The following USP32 variants were observed in gnomAD, a reference collection of about 807,000 sequenced individuals.
USP32 encodes the protein ubiquitin specific peptidase 32, also known as ubiquitin carboxyl-terminal hydrolase 32.
A neutral mutation model predicts 204.8 loss-of-function variants in USP32; 59 were observed. That is an observed-to-expected ratio of 0.29 (90% CI 0.23 to 0.36). The LOEUF (loss-of-function observed/expected upper bound fraction) is 0.36, where lower values mean the gene tolerates loss of function less well. Among genes scored for constraint, USP32 ranks in the 10% least tolerant of loss-of-function variants. USP32 has a pLI of 1.00. For synonymous variants in USP32, 517 were observed against 678.4 expected (o/e 0.76, Z 3.70); for missense variants, 1,160 against 1,946.4 (o/e 0.60, Z 7.60).
At chr17:60,239,280 G>A (rs1015917320) in intron 11 of USP32, among the ~76,000 whole-genome samples, 2 of 152,154 alleles carry the variant, frequency 1.3e-5, no homozygotes, top group South Asian at 2.1e-4. Flanking sequence ...TCTTGGCTTT[G>A]TAAAATACAG....
chr17:60,198,538 T>TC (rs1478854083), intron 26 of USP32, 94 bp from the exon 27 acceptor site: 1 of 1,391,656 alleles, frequency 7.2e-7, no homozygotes, highest in African/African-American at 1.5e-5. Context: ...ACAGGCACTA[T>TC]CACCATTTCA....
rs543670974 is a variant in USP32 at position 60,275,844 on chromosome 17, T to A, written c.572-4363A>T. Reference sequence around the variant, plus strand: ...CTCCTGCCTCAGCCTCCTGAGTAGCTGGGATTACAGGCACCTGCCACCATG... The same window carrying A: ...CTCCTGCCTCAGCCTCCTGAGTAGCAGGGATTACAGGCACCTGCCACCATG... On this transcript the variant is annotated intron_variant, in intron 5 of 33. Transcript: ENST00000300896. Among the ~76,000 whole-genome samples, 6 of 151,746 alleles carry A rather than the reference T, an allele frequency of 4.0e-5. No individual in the cohort carries two copies. In the South Asian group the frequency reaches 1.3e-3, roughly 32 times the overall value.
chr17:60,268,614 C>T lies in USP32; in HGVS notation c.811+836G>A, dbSNP rs1057295041. On this transcript the variant is annotated intron_variant, in intron 7 of 33. Transcript: ENST00000300896. ...AAAAAAAAAAAAAAAAAGATTTTAG[C>T]TTCCTCATCTAAGAGCAAATTGTAA... is the stretch of plus-strand genomic sequence containing the variant. Among the ~76,000 whole-genome samples the T allele has an allele frequency of 2.7e-5, 4 of 147,850 alleles. No homozygotes were observed. In the East Asian group the frequency reaches 6.0e-4, roughly 22 times the overall value.
intron 15 of USP32, among the ~76,000 whole-genome samples, chr17:60,220,860 A>G (rs1453264264): frequency 1.3e-5 from 2 of 151,792 alleles, no homozygotes; most frequent in Non-Finnish European, 2.9e-5. Flanking sequence ...TTGTTAGCCA[A>G]GATGGTCTCG....
intron 21 of USP32, among the ~76,000 whole-genome samples, chr17:60,210,311 CTT>C (rs57918169): frequency 6.8e-6 from 1 of 147,274 alleles, no homozygotes. Context: ...CATCCTTCTA[CTT>C]TTTTTTTTTC....
rs2085381915 is a variant in USP32 at position 60,226,148 on chromosome 17, C to T, written c.1323G>A (p.Glu441=). ...YSFGTAAHPM[E]QVEDRIGSSL... ...TGCTTCCAATTCTATCTTCGACCTG[C>T]TCCATAGGATGGGCTGCAGTTCCAA... Residue 441 remains glutamate (E), a synonymous_variant, in exon 13 of 34, where the codon GAG becomes GAA. Transcript: ENST00000300896. 1.1e-5 allele frequency: 18 copies of T among 1,606,676 alleles called. No homozygotes were observed. Among genetic ancestry groups the T allele is most frequent in the Non-Finnish European group, 1.5e-5 (18 of 1,177,500 alleles).
chr17:60,347,894 G>A (rs749830854), intron 1 of USP32, among the ~76,000 whole-genome samples: 62 of 151,286 alleles, frequency 4.1e-4, no homozygotes, highest in Non-Finnish European at 6.5e-4. Context: ...AGGCTGAGGC[G>A]GGCGGATCAC....
At chr17:60,202,288 T>C (rs2084696416) in intron 26 of USP32, among the ~76,000 whole-genome samples, 1 of 152,222 alleles carries the variant, frequency 6.6e-6, no homozygotes, top group Admixed American at 6.5e-5. Flanking sequence ...TGTACCAATA[T>C]GACATTATTT....
Position 60,217,341 on chromosome 17 carries a change from A to G in USP32, c.1867+2329T>C, listed in dbSNP as rs1177688312. Among the ~76,000 whole-genome samples the G allele has an allele frequency of 9.9e-4, 150 of 152,198 alleles. 1 individual carries two copies. Among genetic ancestry groups the G allele is most frequent in the African/African-American group, 3.5e-3 (145 of 41,470 alleles). On this transcript the variant is annotated intron_variant, in intron 16 of 33. Transcript: ENST00000300896. ...GACAGAGTCTCACTCTGTTGCCCAGAATAGAGTGCATGGCGCGATCTCGGC... is the reference window on the plus strand; with the variant it reads ...GACAGAGTCTCACTCTGTTGCCCAGGATAGAGTGCATGGCGCGATCTCGGC...
intron 29 of USP32, among the ~76,000 whole-genome samples, chr17:60,190,115 T>C (rs2084340279): frequency 6.6e-6 from 1 of 152,100 alleles, no homozygotes; most frequent in East Asian, 1.9e-4. Flanking sequence ...GAGAACTTAG[T>C]TTCCAAGAGA....
intron 2 of USP32, among the ~76,000 whole-genome samples, chr17:60,332,214 C>T (rs527949323): frequency 1.1e-4 from 17 of 151,852 alleles, no homozygotes; most frequent in Admixed American, 6.6e-5. Context: ...GCAGAGATCA[C>T]GCCACTCCAG....
Position 60,181,373 on chromosome 17 carries a change from T to C in USP32, c.4499A>G (p.Gln1500Arg). ...AGGCTTAATACGAGTATCTTCTCTT[T>C]GGTCATCAGTGCTGTCTTCTTCACT... Reference protein sequence around the residue: ...NHSEEDSTDDQREDTRIKPIY... With the variant: ...NHSEEDSTDDRREDTRIKPIY... The change falls in exon 32 of 34, where the codon CAA (glutamine) becomes CGA (arginine). Residue 1500 changes from glutamine (Q) to arginine (R), a missense_variant. By Grantham distance (43) the Gln-to-Arg change is conservative. This residue lies in a region of USP32 where 244 missense variants were observed against 342.3 expected (regional missense o/e 0.71). Coordinates refer to ENST00000300896, the MANE Select transcript of USP32 (RefSeq NM_032582.4). The C allele has an allele frequency of 6.2e-7, 1 of 1,613,864 alleles. No individual in the cohort carries two copies. Among genetic ancestry groups the C allele is most frequent in the East Asian group, 2.2e-5 (1 of 44,888 alleles).
chr17:60,388,422 T>TAA, intron 1 of USP32, among the ~76,000 whole-genome samples: 1 of 152,098 alleles, frequency 6.6e-6, no homozygotes, highest in Non-Finnish European at 1.5e-5. Context: ...TAAGATGTCT[T>TAA]AGAGTTCTAA....
chr17:60,308,533 A>T (rs1386625772), intron 2 of USP32, among the ~76,000 whole-genome samples: 2 of 152,250 alleles, frequency 1.3e-5, no homozygotes, highest in African/African-American at 4.8e-5. Flanking sequence ...AAAAATTTAC[A>T]ATCCACTCAT....
intron 1 of USP32, among the ~76,000 whole-genome samples, chr17:60,374,822 T>C (rs184731129): frequency 4.6e-5 from 7 of 152,354 alleles, no homozygotes; most frequent in Admixed American, 2.0e-4. Flanking sequence ...GCTCTACTAT[T>C]ATCTTATGGG....
intron 1 of USP32, among the ~76,000 whole-genome samples, chr17:60,407,891 A>G (rs1598321588): frequency 6.6e-6 from 1 of 151,532 alleles, no homozygotes; most frequent in East Asian, 1.9e-4. Flanking sequence ...TGAGGTCAGG[A>G]GTTCGAGACC....
intron 1 of USP32, among the ~76,000 whole-genome samples, chr17:60,367,122 T>C (rs570161579): frequency 2.0e-4 from 30 of 152,302 alleles, no homozygotes; most frequent in Middle Eastern, 3.4e-3. Flanking sequence ...CCACCGCGCC[T>C]AGCCTAAGCC....
chr17:60,414,624 T>TA (rs1476317801), intron 1 of USP32, among the ~76,000 whole-genome samples: 2 of 151,534 alleles, frequency 1.3e-5, no homozygotes, highest in Admixed American at 6.6e-5. Context: ...AGACGGGGTT[T>TA]TGCCATGTTG....
At chr17:60,421,653 G>T in intron 1 of USP32, 1 of 942,478 alleles carries the variant, frequency 1.1e-6, no homozygotes, top group Non-Finnish European at 1.3e-6. Context: ...ACGCGAGGGG[G>T]CGCTGCTGCC....
Sources: gnomAD v4.1 joint callset for allele counts (sites outside exome capture counted in the v4.1 genomes callset) on GRCh38, gnomAD v4.1.1 for gene constraint, gnomAD v4.1.1 regional missense constraint, MANE v1.5 for transcripts, NCBI Gene and HGNC (gene_info 2026-07-23, HGNC 2026-07-21) for gene names.